OIT3: variants seen among roughly 807,000 people sequenced by gnomAD.
The protein encoded by OIT3 is oncoprotein-induced transcript 3 protein.
OIT3 carries 41 observed loss-of-function variants against 52.2 expected under a neutral mutation model. The ratio of observed to expected loss-of-function variants is 0.79; its 90% confidence interval spans 0.61 to 1.02. OIT3 has a LOEUF of 1.02. Among genes scored for constraint, OIT3 ranks in the 50% least tolerant of loss-of-function variants. The probability of loss-of-function intolerance (pLI) is 0.00; values close to 1 mark genes in which losing one functional copy is unlikely to be tolerated. For synonymous variants in OIT3, 244 were observed against 276.9 expected (o/e 0.88, Z 1.18); for missense variants, 634 against 715.5 (o/e 0.89, Z 1.30).
intron 4 of OIT3, among the ~76,000 whole-genome samples, chr10:72,907,248 G>C (rs1023902469): frequency 6.6e-6 from 1 of 152,044 alleles, no homozygotes; most frequent in Non-Finnish European, 1.5e-5. Flanking sequence ...ACTCCAGCCT[G>C]GGCAACAGAG....
chr10:72,912,277 T>TC (rs1028828192), intron 5 of OIT3, among the ~76,000 whole-genome samples: 4 of 148,366 alleles, frequency 2.7e-5, no homozygotes, highest in East Asian at 2.0e-4. Context: ...TTTTTCTTTT[T>TC]TTTTTTTTTT....
intron 8 of OIT3, among the ~76,000 whole-genome samples, chr10:72,931,763 G>A (rs1846218608): frequency 6.6e-6 from 1 of 152,198 alleles, no homozygotes; most frequent in Non-Finnish European, 1.5e-5. Flanking sequence ...TGTTGTTAGA[G>A]TGTACTTGTT....
chr10:72,912,087 G>T (rs963038480), intron 5 of OIT3, among the ~76,000 whole-genome samples: 2 of 152,034 alleles, frequency 1.3e-5, no homozygotes, highest in Non-Finnish European at 2.9e-5. Flanking sequence ...TCTATGGTTA[G>T]TTGTATGACT....
chr10:72,917,737 G>A, intron 6 of OIT3: 1 of 1,162,400 alleles, frequency 8.6e-7, no homozygotes, highest in Admixed American at 1.7e-5. Context: ...GCCACTTTGG[G>A]AAGAGAATCA....
chr10:72,922,504 C>CTTGTA (rs1435685106), intron 6 of OIT3, among the ~76,000 whole-genome samples: 1 of 151,882 alleles, frequency 6.6e-6, no homozygotes, highest in Non-Finnish European at 1.5e-5. Flanking sequence ...TTATGAAATT[C>CTTGTA]TTGTATTGTG....
intron 6 of OIT3, among the ~76,000 whole-genome samples, chr10:72,914,322 TGTG>T (rs1320508362): frequency 6.6e-6 from 1 of 152,164 alleles, no homozygotes; most frequent in African/African-American, 2.4e-5. Flanking sequence ...GTTTAGGTGA[TGTG>T]GTGATGAATG....
intron 2 of OIT3, 93 bp from the exon 3 acceptor site, chr10:72,900,284 A>AC (rs147470537): frequency 2.3e-4 from 145 of 642,444 alleles, no homozygotes; most frequent in African/African-American, 4.1e-4. Context: ...TAGGGATACC[A>AC]CCCCCCCCGA....
intron 3 of OIT3, among the ~76,000 whole-genome samples, chr10:72,905,375 G>T (rs763261145): frequency 6.6e-6 from 1 of 152,094 alleles, no homozygotes; most frequent in Non-Finnish European, 1.5e-5. Context: ...GAAGTCTGAG[G>T]CAGGAGTATC....
chr10:72,899,879 A>G (rs1422586175), intron 2 of OIT3, among the ~76,000 whole-genome samples: 1 of 152,188 alleles, frequency 6.6e-6, no homozygotes, highest in African/African-American at 2.4e-5. Context: ...TTTCTGTGTT[A>G]TTAATCCTGT....
chr10:72,899,091 T>C (rs934156363), intron 2 of OIT3, 53 bp downstream of exon 2: 63 of 1,521,674 alleles, frequency 4.1e-5, no homozygotes, highest in Non-Finnish European at 5.3e-5. Context: ...ACAGGTGGAG[T>C]CCAAAAGTGC....
chr10:72,897,294 G>A (rs1235791072), intron 1 of OIT3, among the ~76,000 whole-genome samples: 1 of 152,196 alleles, frequency 6.6e-6, no homozygotes, highest in African/African-American at 2.4e-5. Context: ...AAAGTGCTGG[G>A]ATTACAGGTG....
At chr10:72,895,870 T>A (rs1208095069) in intron 1 of OIT3, among the ~76,000 whole-genome samples, 1 of 152,122 alleles carries the variant, frequency 6.6e-6, no homozygotes, top group African/African-American at 2.4e-5. Flanking sequence ...ATCAGCATTT[T>A]AGGATGAATG....
chr10:72,903,164 AAT>A (rs1257177562), intron 3 of OIT3, among the ~76,000 whole-genome samples: 1 of 152,186 alleles, frequency 6.6e-6, no homozygotes. Flanking sequence ...ACAAGAAAAT[AAT>A]ATAACAGACA....
chr10:72,918,265 C>T (rs1846091202), intron 6 of OIT3: 1 of 799,120 alleles, frequency 1.3e-6, no homozygotes, highest in Non-Finnish European at 2.2e-6. Flanking sequence ...ATTTCAAAGC[C>T]CCCAAGAGAA....
Position 72,924,488 on chromosome 10 carries a change from G to C in OIT3, c.1211G>C (p.Arg404Pro), listed in dbSNP as rs371807811. 1 of 1,614,136 alleles carries C rather than the reference G, an allele frequency of 6.2e-7. No homozygotes were observed. The highest frequency in any genetic ancestry group is 1.1e-5 in the South Asian group (1 of 91,088). The change falls in exon 7 of 9, where the codon CGG becomes CCG. Residue 404 changes from arginine to proline, a missense_variant. Transcript: ENST00000334011. ...FKDNEFEEPY[R>P]EALPTLKLRD... ...GACAATGAGTTTGAAGAGCCTTACC[G>C]GGAAGCTCTGCCCACCCTCAAGCTT...
At position 72,932,336 on chromosome 10, in the gene OIT3, T is replaced by G. The variant is rs1169172277; in HGVS notation, c.1468-18T>G. The G allele has an allele frequency of 5.0e-6, 8 of 1,613,064 alleles. No individual in the cohort carries two copies. The African/African-American group carries it at 1.1e-4, about 22-fold the overall frequency. ...CAGCAGTTATTGTTTTTATTAACAG[T>G]CGTGATCATCTCTTCAGGAAGTGTT... On this transcript the variant is annotated intron_variant, in intron 8 of 8. Coordinates refer to ENST00000334011, the MANE Select transcript of OIT3 (RefSeq NM_152635.3).
intron 7 of OIT3, among the ~76,000 whole-genome samples, chr10:72,926,133 C>T (rs1453049960): frequency 6.6e-6 from 1 of 152,228 alleles, no homozygotes; most frequent in Non-Finnish European, 1.5e-5. Flanking sequence ...TCAGGAACTG[C>T]AGCTTAACCA....
At chr10:72,908,263 C>T (rs1054155427) in intron 4 of OIT3, among the ~76,000 whole-genome samples, 1 of 151,874 alleles carries the variant, frequency 6.6e-6, no homozygotes, top group Non-Finnish European at 1.5e-5. Flanking sequence ...CCCATCACTT[C>T]TACTTTAATA....
intron 7 of OIT3, among the ~76,000 whole-genome samples, chr10:72,925,988 T>C (rs1345679198): frequency 6.6e-6 from 1 of 152,260 alleles, no homozygotes; most frequent in Non-Finnish European, 1.5e-5. Context: ...CCTGAGGTAC[T>C]GATGGAGACC....
Sources: allele counts gnomAD v4.1 joint callset (sites outside exome capture counted in the v4.1 genomes callset), GRCh38; gene constraint gnomAD v4.1.1; transcripts MANE v1.5; gene names NCBI Gene and HGNC (gene_info 2026-07-23, HGNC 2026-07-21).